The following TBCEL variants were observed in gnomAD, a reference collection of about 807,000 sequenced individuals.
TBCEL encodes tubulin-specific chaperone cofactor E-like protein.
TBCEL carries 15 observed loss-of-function variants against 44.2 expected under a neutral mutation model. The observed-to-expected ratio is 0.34, with a 90% CI of 0.23 to 0.52. TBCEL has a LOEUF of 0.52. Ranked by LOEUF, TBCEL falls within the 20% of genes least tolerant of loss-of-function variation. The probability of loss-of-function intolerance (pLI) is 0.95; values close to 1 mark genes in which losing one functional copy is unlikely to be tolerated. For missense variants in TBCEL, 319 were observed against 506.3 expected, an observed-to-expected ratio of 0.63 and a Z score of 3.55; for synonymous variants, 171 against 185.4, an observed-to-expected ratio of 0.92 and a Z score of 0.63.
intron 8 of TBCEL, among the ~76,000 whole-genome samples, chr11:121,074,176 A>G (rs2134998661): frequency 6.6e-6 from 1 of 151,988 alleles, no homozygotes; most frequent in Non-Finnish European, 1.5e-5. Flanking sequence ...GTTATATTTA[A>G]TTTTCATTTG....
intron 3 of TBCEL, among the ~76,000 whole-genome samples, chr11:121,046,542 T>C (rs920120125): frequency 6.6e-6 from 1 of 152,066 alleles, no homozygotes; most frequent in African/African-American, 2.4e-5. Context: ...ATTTTATCTC[T>C]ATGTAACCTG....
intron 5 of TBCEL, chr11:121,054,851 C>T (rs766521784): frequency 7.3e-5 from 33 of 451,838 alleles, no homozygotes; most frequent in Middle Eastern, 5.6e-4. Context: ...TATCATTCTT[C>T]GCTATTTCAG....
chr11:121,032,273 G>A (rs1945159658), intron 1 of TBCEL, among the ~76,000 whole-genome samples: 1 of 152,024 alleles, frequency 6.6e-6, no homozygotes, highest in Non-Finnish European at 1.5e-5. Context: ...TCTGTTCTCT[G>A]TTTCATTGGT....
chr11:121,044,177 C>T (rs765907870), intron 2 of TBCEL, among the ~76,000 whole-genome samples: 41 of 152,106 alleles, frequency 2.7e-4, no homozygotes, highest in Non-Finnish European at 5.1e-4. Context: ...CAAGCTCTCA[C>T]GATCTCTCTG....
At chr11:121,028,659 T>C (rs1945087488) in intron 1 of TBCEL, among the ~76,000 whole-genome samples, 1 of 152,258 alleles carries the variant, frequency 6.6e-6, no homozygotes, top group Non-Finnish European at 1.5e-5. Flanking sequence ...ATAGATTTTA[T>C]CTGCTGTCAT....
At chr11:121,067,257 A>C (rs1565502686) in intron 8 of TBCEL, among the ~76,000 whole-genome samples, 2 of 152,226 alleles carry the variant, frequency 1.3e-5, no homozygotes, top group Admixed American at 1.3e-4. Context: ...AAAAGACTTT[A>C]AAGAGGATCC....
intron 8 of TBCEL, among the ~76,000 whole-genome samples, chr11:121,067,878 G>T (rs1945849692): frequency 6.6e-6 from 1 of 152,196 alleles, no homozygotes. Context: ...GGACCAAGAG[G>T]CACTGGGCTT....
At chr11:121,083,475 G>T (rs1424096848) in intron 8 of TBCEL, among the ~76,000 whole-genome samples, 1 of 152,184 alleles carries the variant, frequency 6.6e-6, no homozygotes, top group Non-Finnish European at 1.5e-5. Context: ...TGAACCTATT[G>T]ATTTTGAGAA....
At chr11:121,025,876 C>G (rs1377919649) in intron 1 of TBCEL, among the ~76,000 whole-genome samples, 1 of 148,316 alleles carries the variant, frequency 6.7e-6, no homozygotes, top group African/African-American at 2.5e-5. Context: ...GTTGCCTGAT[C>G]ATTTGATTGA....
chr11:121,057,432 T>TA, intron 6 of TBCEL: 2 of 281,270 alleles, frequency 7.1e-6, no homozygotes, highest in Non-Finnish European at 1.4e-5. Context: ...ATTTTAGGAC[T>TA]AAAAATCTTA....
rs148450900 is a variant in TBCEL, at chr11:121,030,464, C to T, written c.-125-6041C>T. ...GTATAAGAGTCAAGAGGGACCAGGG[C>T]GGAGGCTAATGCAGAGGTCCTGGTG... On this transcript the variant is annotated intron_variant, in intron 1 of 8. Transcript: ENST00000683345. Among the ~76,000 whole-genome samples, 14 of 152,192 alleles carry T rather than the reference C, an allele frequency of 9.2e-5. No homozygotes were observed. The East Asian group carries it at 2.5e-3, about 27-fold the overall frequency.
intron 8 of TBCEL, among the ~76,000 whole-genome samples, chr11:121,072,089 T>TCA (rs1945945035): frequency 6.6e-6 from 1 of 152,222 alleles, no homozygotes; most frequent in Non-Finnish European, 1.5e-5. Flanking sequence ...GCTTTCCCTG[T>TCA]TGCTTACAGC....
chr11:121,072,193 G>A (rs1254927931), intron 8 of TBCEL, among the ~76,000 whole-genome samples: 1 of 152,128 alleles, frequency 6.6e-6, no homozygotes, highest in Non-Finnish European at 1.5e-5. Context: ...CTTGATTGGA[G>A]TCATATACAA....
chr11:121,029,400 A>G (rs79320408), intron 1 of TBCEL, among the ~76,000 whole-genome samples: 4 of 152,144 alleles, frequency 2.6e-5, no homozygotes, highest in African/African-American at 9.7e-5. Flanking sequence ...CACTTACTTC[A>G]TGCCAGGTAC....
In TBCEL at chr11:121,088,563, A is replaced by G. The variant is rs1419276901; in HGVS notation, c.*1467A>G. ...AGCATAACTGGGGCAGAAAGTGTGTAAGTGAAGTATTTTTCAAAGAATGCA... is the reference window on the plus strand; with the variant it reads ...AGCATAACTGGGGCAGAAAGTGTGTGAGTGAAGTATTTTTCAAAGAATGCA... On this transcript the variant is annotated 3_prime_UTR_variant, in exon 9 of 9. Coordinates refer to ENST00000683345, the MANE Select transcript of TBCEL (RefSeq NM_001363644.2). 1 of 152,186 alleles carries G rather than the reference A, an allele frequency of 6.6e-6. No homozygotes were observed. Among genetic ancestry groups the G allele is most frequent in the Non-Finnish European group, 1.5e-5 (1 of 68,010 alleles). The allele number at this position is 152,186 out of a possible 1,614,324, so 9.4% of individuals were successfully genotyped here.
intron 2 of TBCEL, among the ~76,000 whole-genome samples, chr11:121,045,117 T>C (rs1217069660): frequency 2.0e-5 from 3 of 152,140 alleles, no homozygotes; most frequent in African/African-American, 7.2e-5. Flanking sequence ...TGGCACACTC[T>C]GGTCATCTTT....
intron 8 of TBCEL, among the ~76,000 whole-genome samples, chr11:121,071,063 A>G (rs963414814): frequency 1.3e-5 from 2 of 152,216 alleles, no homozygotes; most frequent in Non-Finnish European, 2.9e-5. Context: ...TAGAAATATC[A>G]TTTAGAGAGA....
rs1830342116 is a variant in TBCEL, at chr11:121,053,581, T to C, written c.304T>C (p.Leu102=). 1.2e-6 allele frequency: 2 copies of C among 1,612,136 alleles called. No individual in the cohort carries two copies. The highest frequency in any genetic ancestry group is 1.7e-6 in the Non-Finnish European group (2 of 1,178,846). Residue 102 remains leucine (L), a synonymous_variant, in exon 5 of 9, where the codon TTG becomes CTG. Transcript: ENST00000683345. ...TAAAATTGTGTCAAATGTTCCTCAG[T>C]TGGAGTTTCTAAACCTGAGTTCCAA... ...VSKIVSNVPQ[L]EFLNLSSNPL...
intron 8 of TBCEL, among the ~76,000 whole-genome samples, chr11:121,080,039 A>G (rs1299389304): frequency 6.6e-6 from 1 of 151,722 alleles, no homozygotes. Flanking sequence ...CTGGTCACAA[A>G]CTCTTGACCT....
Sources: gnomAD v4.1 joint callset for allele counts (sites outside exome capture counted in the v4.1 genomes callset) on GRCh38, gnomAD v4.1.1 for gene constraint, MANE v1.5 for transcripts, NCBI Gene and HGNC (gene_info 2026-07-23, HGNC 2026-07-21) for gene names.